Variants in SDCBP2 observed in about 807,000 individuals in gnomAD.
The protein encoded by SDCBP2 is syntenin-2.
Under a neutral mutation model 30.7 loss-of-function variants are expected in SDCBP2, and 28 were observed. That is an observed-to-expected ratio of 0.91 (90% confidence interval 0.68 to 1.25). The LOEUF is 1.25. SDCBP2 is among the 50% of genes most tolerant of loss of function. The pLI, the probability that SDCBP2 is intolerant of heterozygous loss-of-function variation, is 0.00. For missense variants in SDCBP2, 399 were observed against 379.0 expected, an observed-to-expected ratio of 1.05 and a Z score of -0.44; for synonymous variants, 166 against 157.3, an observed-to-expected ratio of 1.06 and a Z score of -0.41.
intron 1 of SDCBP2, among the ~76,000 whole-genome samples, chr20:1,327,140 C>G (rs1475868183): frequency 6.6e-6 from 1 of 152,216 alleles, no homozygotes; most frequent in Non-Finnish European, 1.5e-5. Context: ...TAACCCCTCT[C>G]TCTCAGAGGA....
rs1381593339 is a variant in SDCBP2, at chr20:1,324,691, A to T, written c.-19-4256T>A. On this transcript the variant is annotated intron_variant, in intron 1 of 8. Coordinates refer to ENST00000360779, the MANE Select transcript of SDCBP2 (RefSeq NM_080489.5). This position sits in a 1 kb window ranked among gnomAD's most constrained non-coding sequence, Gnocchi z 4.7. ...TTACACTTTGCTCACCATTCTGGAA[A>T]ATCGCTGCCCACCCTGCTCCCCACG... 6.6e-6 allele frequency among the ~76,000 whole-genome samples: 1 copy of T among 152,158 alleles called. No homozygotes were observed. The highest frequency in any genetic ancestry group is 2.4e-5 in the African/African-American group (1 of 41,450).
chr20:1,313,572 G>C lies in SDCBP2; in HGVS notation c.226-74C>G. 6.8e-7 allele frequency: 1 copy of C among 1,472,484 alleles called. No homozygotes were observed. The highest frequency in any genetic ancestry group is 1.3e-5 in the South Asian group (1 of 74,602). The allele number at this position is 1,472,484 out of a possible 1,614,324, so 91.2% of individuals were successfully genotyped here. ...TGCCTCAGGAGACACTGGGGTGGGG[G>C]TAGGGATGGGGAAAGGAGGATGGAG... On this transcript the variant is annotated intron_variant, in intron 4 of 8. Coordinates refer to ENST00000360779, the MANE Select transcript of SDCBP2 (RefSeq NM_080489.5). The surrounding 1 kb of genome is among the most constrained non-coding windows in gnomAD (Gnocchi z 5.2).
intron 1 of SDCBP2, chr20:1,322,480 TGTAAA>T (rs2088862129): frequency 6.6e-6 from 1 of 152,206 alleles, no homozygotes; most frequent in Admixed American, 6.5e-5. Flanking sequence ...CTTTTCTCCT[TGTAAA>T]GTAAAGCTCT....
At chr20:1,327,872 TC>T (rs2088952303) in intron 1 of SDCBP2, among the ~76,000 whole-genome samples, 1 of 152,364 alleles carries the variant, frequency 6.6e-6, no homozygotes, top group Admixed American at 6.5e-5. Flanking sequence ...TGAGTACTGT[TC>T]TAGGTATCAG....
chr20:1,310,788 G>A lies in SDCBP2; in HGVS notation c.824+12C>T. ...GAGGGGTGAGGAGGGGTGAGGAGGG[G>A]TGCAGCCTTACTTTTTGACCATGTG... On this transcript the variant is annotated intron_variant, in intron 8 of 8. Coordinates refer to ENST00000360779, the MANE Select transcript of SDCBP2 (RefSeq NM_080489.5). The A allele has an allele frequency of 6.2e-7, 1 of 1,607,212 alleles. No homozygotes were observed. Among genetic ancestry groups the A allele is most frequent in the Non-Finnish European group, 8.5e-7 (1 of 1,174,746 alleles).
At chr20:1,323,842 T>C (rs1438056551) in intron 1 of SDCBP2, 1 of 152,234 alleles carries the variant, frequency 6.6e-6, no homozygotes, top group Non-Finnish European at 1.5e-5. Flanking sequence ...TTAATTTTTA[T>C]TTTTAAATAT....
intron 4 of SDCBP2, chr20:1,317,787 G>A (rs930060764): frequency 4.1e-6 from 1 of 245,616 alleles, no homozygotes; most frequent in Non-Finnish European, 8.1e-6. Context: ...AAGACTGACA[G>A]GTGGGACGCA....
chr20:1,313,293 G>C lies in SDCBP2; in HGVS notation c.384+47C>G. 1 of 1,574,712 alleles carries C rather than the reference G, an allele frequency of 6.4e-7. No homozygotes were observed. Among genetic ancestry groups the C allele is most frequent in the Non-Finnish European group, 8.6e-7 (1 of 1,156,840 alleles). ...CTGAGCTCTGAGGCCTGGCGGGAGA[G>C]CGCGTGCAGCTCGAGCTCCTCTTCC... On this transcript the variant is annotated intron_variant, in intron 5 of 8. Coordinates refer to ENST00000360779, the MANE Select transcript of SDCBP2 (RefSeq NM_080489.5). This position sits in a 1 kb window ranked among gnomAD's most constrained non-coding sequence, Gnocchi z 5.2.
chr20:1,322,741 T>G (rs1421945560), intron 1 of SDCBP2: 2 of 152,204 alleles, frequency 1.3e-5, no homozygotes, highest in Non-Finnish European at 2.9e-5. Context: ...TGGTTAATTT[T>G]TGTATTTTTT....
At chr20:1,323,983 C>T (rs1015712398) in intron 1 of SDCBP2, 7 of 152,138 alleles carry the variant, frequency 4.6e-5, no homozygotes, top group South Asian at 2.1e-4. Context: ...TGCTGTGTTT[C>T]GTTCAATCAT....
chr20:1,313,740 C>A lies in SDCBP2; in HGVS notation c.226-242G>T. ...AACGGGGAGGGAAGGGGCGAGGATA[C>A]AGGAAGAGGCCCTTCATTTCCCAAG... On this transcript the variant is annotated intron_variant, in intron 4 of 8. Coordinates refer to ENST00000360779, the MANE Select transcript of SDCBP2 (RefSeq NM_080489.5). This position sits in a 1 kb window ranked among gnomAD's most constrained non-coding sequence, Gnocchi z 5.2. 9.6e-7 allele frequency: 1 copy of A among 1,037,272 alleles called. No homozygotes were observed. Among genetic ancestry groups the A allele is most frequent in the Non-Finnish European group, 1.3e-6 (1 of 791,252 alleles). 64.3% of individuals were successfully genotyped at this position (1,037,272 alleles called of 1,614,324 possible).
Position 1,310,216 on chromosome 20 carries a change from C to T in SDCBP2, c.*225G>A, listed in dbSNP as rs1003703678. ...AGCATTTAAATCAGCACAAGAGAAT[C>T]GGCTGCCTGTGGGCCCTGCCTGAGC... On this transcript the variant is annotated 3_prime_UTR_variant, in exon 9 of 9. Coordinates refer to ENST00000360779, the MANE Select transcript of SDCBP2 (RefSeq NM_080489.5). The T allele has an allele frequency of 6.2e-5, 30 of 483,840 alleles. 1 individual carries two copies. Among genetic ancestry groups the T allele is most frequent in the African/African-American group, 3.0e-4 (15 of 50,750 alleles). The allele number at this position is 483,840 out of a possible 1,614,324, so 30.0% of individuals were successfully genotyped here. A position where few individuals can be genotyped will look rare whatever the true frequency, so the allele number is the denominator to read the frequency against.
intron 4 of SDCBP2, among the ~76,000 whole-genome samples, chr20:1,315,078 A>G (rs6078575): frequency 0.68 from 103,405 of 152,156 alleles, 36,939 homozygotes; most frequent in East Asian, 1. Context: ...TAGCGAGAGG[A>G]ATCACCACCA....
chr20:1,319,139 G>C (rs1010963254), intron 3 of SDCBP2, among the ~76,000 whole-genome samples: 3 of 152,190 alleles, frequency 2.0e-5, no homozygotes, highest in Non-Finnish European at 2.9e-5. Context: ...CAGCAAGGAA[G>C]TCTGACAAGT....
At chr20:1,312,558 G>A (rs752878458) in intron 6 of SDCBP2, 29 bp downstream of exon 6, 71 of 1,613,458 alleles carry the variant, frequency 4.4e-5, no homozygotes, top group South Asian at 1.4e-4. Context: ...GGGGTGAGAC[G>A]GAGAGGCTGC....
rs186977003 is a variant in SDCBP2 at position 1,314,465 on chromosome 20, G to C, written c.226-967C>G. On this transcript the variant is annotated intron_variant, in intron 4 of 8. Transcript: ENST00000360779. ...CTGAGCCACTGCTCAGTCCAGCCTA[G>C]GTGACAGAGCAAGACTCCACCTCAA... 9.9e-4 allele frequency among the ~76,000 whole-genome samples: 105 copies of C among 106,028 alleles called. 1 individual carries two copies. Among genetic ancestry groups the C allele is most frequent in the African/African-American group, 3.4e-3 (93 of 27,118 alleles). 69.6% of individuals were successfully genotyped at this position (106,028 alleles called of 152,430 possible).
At chr20:1,311,918 G>A (rs1265765250) in intron 7 of SDCBP2, among the ~76,000 whole-genome samples, 1 of 4,646 alleles carries the variant, frequency 2.2e-4, no homozygotes, top group Non-Finnish European at 5.0e-4. Flanking sequence ...TTTTTTTTTG[G>A]AGACAGGGTC....
Position 1,324,320 on chromosome 20 carries a change from T to C in SDCBP2, c.-19-3885A>G, listed in dbSNP as rs2088888919. 6.6e-6 allele frequency: 1 copy of C among 152,108 alleles called. No individual in the cohort carries two copies. Among genetic ancestry groups the C allele is most frequent in the Non-Finnish European group, 1.5e-5 (1 of 68,032 alleles). 9.4% of individuals were successfully genotyped at this position (152,108 alleles called of 1,614,324 possible). On this transcript the variant is annotated intron_variant, in intron 1 of 8. Coordinates refer to ENST00000360779, the MANE Select transcript of SDCBP2 (RefSeq NM_080489.5). This position sits in a 1 kb window ranked among gnomAD's most constrained non-coding sequence, Gnocchi z 4.7. ...CCGCCACGGCACTGCCCAGCACACA[T>C]ATGCTAGCAAAAATTATTTGACTGA...
At chr20:1,311,916 T>TTTTTTTTTTTTTA (rs2088676732) in intron 7 of SDCBP2, among the ~76,000 whole-genome samples, 1 of 150,590 alleles carries the variant, frequency 6.6e-6, no homozygotes. Flanking sequence ...TTTTTTTTTT[T>TTTTTTTTTTTTTA]GGAGACAGGG....
Sources: gnomAD v4.1 joint callset for allele counts (sites outside exome capture counted in the v4.1 genomes callset) on GRCh38, gnomAD v4.1.1 for gene constraint, Gnocchi (gnomAD v3.1) non-coding constraint, MANE v1.5 for transcripts, NCBI Gene and HGNC (gene_info 2026-07-23, HGNC 2026-07-21) for gene names.